ADCY9: variants seen among roughly 807,000 people sequenced by gnomAD.
ADCY9 encodes the protein adenylate cyclase 9.
A neutral mutation model predicts 101.5 loss-of-function variants in ADCY9; 50 were observed. The observed-to-expected ratio is 0.49, with a 90% CI of 0.39 to 0.62. ADCY9 has a LOEUF of 0.62. Among genes scored for constraint, ADCY9 ranks in the 20% least tolerant of loss-of-function variants. ADCY9 has a pLI of 0.00. For missense variants in ADCY9, 1,662 were observed against 1,800.4 expected, an observed-to-expected ratio of 0.92 and a Z score of 1.39; for synonymous variants, 905 against 769.3, an observed-to-expected ratio of 1.18 and a Z score of -2.92.
chr16:4,092,780 C>G (rs572673434), intron 2 of ADCY9, among the ~76,000 whole-genome samples: 1 of 152,328 alleles, frequency 6.6e-6, no homozygotes, highest in South Asian at 2.1e-4. Context: ...GACTCCTTAG[C>G]CCTTTCCATC....
chr16:4,033,458 G>A lies in ADCY9; in HGVS notation c.1694-25900C>T, dbSNP rs868577347. Among the ~76,000 whole-genome samples, 7 of 142,384 alleles carry A rather than the reference G, an allele frequency of 4.9e-5. No homozygotes were observed. In the East Asian group the frequency reaches 1.0e-3, roughly 21 times the overall value. 93.4% of individuals were successfully genotyped at this position (142,384 alleles called of 152,430 possible). The stretch of plus-strand genomic sequence containing the variant: ...TTTTTTTTTTTTTTTTTTTTGAGAC[G>A]GAGTCTTGCTCTGTCGCCAGGCCAG... On this transcript the variant is annotated intron_variant, in intron 2 of 10. Coordinates refer to ENST00000294016, the MANE Select transcript of ADCY9 (RefSeq NM_001116.4).
In ADCY9 at chr16:3,992,592, C is replaced by T. The variant is rs981752807; in HGVS notation, c.1990-229G>A. On this transcript the variant is annotated intron_variant, in intron 4 of 10. Coordinates refer to ENST00000294016, the MANE Select transcript of ADCY9 (RefSeq NM_001116.4). This position sits in a 1 kb window ranked among gnomAD's most constrained non-coding sequence, Gnocchi z 4.2. The stretch of plus-strand genomic sequence containing the variant: ...TACCCAACAGTGCCCAGTGGTAACG[C>T]TGGGTGTTCAGGCTGCCAGGACATT... 6.6e-6 allele frequency among the ~76,000 whole-genome samples: 1 copy of T among 152,136 alleles called. No homozygotes were observed. Among genetic ancestry groups the T allele is most frequent in the Non-Finnish European group, 1.5e-5 (1 of 68,022 alleles).
chr16:4,108,908 G>C (rs368568229), intron 2 of ADCY9, among the ~76,000 whole-genome samples: 1 of 151,328 alleles, frequency 6.6e-6, no homozygotes, highest in African/African-American at 2.4e-5. Flanking sequence ...GTTTCACCAC[G>C]TTGGCCAGGC....
At chr16:3,995,603 ATT>A (rs34724133) in intron 3 of ADCY9, among the ~76,000 whole-genome samples, 139 of 146,384 alleles carry the variant, frequency 9.5e-4, no homozygotes, top group Admixed American at 1.6e-3. Flanking sequence ...CAAGAAATAT[ATT>A]TTTTTTTTTT....
intron 7 of ADCY9, 104 bp from the exon 8 acceptor site, chr16:3,979,379 C>T (rs998024528): frequency 5.1e-6 from 7 of 1,373,740 alleles, no homozygotes; most frequent in Middle Eastern, 2.5e-4. Flanking sequence ...TGCTCTCTCC[C>T]GTGTTGCCCC....
intron 2 of ADCY9, among the ~76,000 whole-genome samples, chr16:4,084,114 T>C (rs1272708884): frequency 6.6e-6 from 1 of 151,254 alleles, no homozygotes; most frequent in African/African-American, 2.4e-5. Flanking sequence ...GTTTGTTTTG[T>C]TTTGTTTTTG....
intron 2 of ADCY9, among the ~76,000 whole-genome samples, chr16:4,025,998 C>T (rs2056512268): frequency 6.6e-6 from 1 of 152,108 alleles, no homozygotes; most frequent in Non-Finnish European, 1.5e-5. Flanking sequence ...AACAGTGCTC[C>T]AAAGGCAAAG....
At chr16:4,072,386 A>T (rs928837718) in intron 2 of ADCY9, among the ~76,000 whole-genome samples, 1 of 152,220 alleles carries the variant, frequency 6.6e-6, no homozygotes, top group African/African-American at 2.4e-5. Context: ...CCAAGAACTT[A>T]CCATAAAGCC....
downstream of ADCY9, among the ~76,000 whole-genome samples, chr16:3,961,507 C>T (rs117139896): frequency 4.5e-3 from 678 of 151,744 alleles, 1 homozygote; most frequent in Middle Eastern, 6.8e-3. Context: ...GCAGCAAGGA[C>T]GGGTTATTCC....
intron 2 of ADCY9, among the ~76,000 whole-genome samples, chr16:4,080,416 G>GTA (rs902408109): frequency 4.7e-4 from 71 of 151,542 alleles, no homozygotes; most frequent in African/African-American, 1.3e-3. Context: ...ATTAATTTTT[G>GTA]TATATATATA....
intron 3 of ADCY9, 101 bp downstream of exon 3, chr16:4,007,267 T>C: frequency 1.0e-6 from 1 of 1,003,934 alleles, no homozygotes; most frequent in East Asian, 2.6e-5. Context: ...TCATTCCAAG[T>C]TGTTTGCCTC....
intron 2 of ADCY9, among the ~76,000 whole-genome samples, chr16:4,014,829 C>T (rs544633855): frequency 9.2e-5 from 14 of 151,960 alleles, no homozygotes; most frequent in African/African-American, 3.4e-4. Context: ...TAAACAGGTA[C>T]CTTCTATACC....
chr16:4,054,567 A>AT (rs553423641), intron 2 of ADCY9, among the ~76,000 whole-genome samples: 332 of 150,644 alleles, frequency 2.2e-3, no homozygotes, highest in Middle Eastern at 0.014. Flanking sequence ...GATTAAATGG[A>AT]TTTTTTTCTT....
At chr16:4,031,919 T>TG (rs2141754900) in intron 2 of ADCY9, 1 of 151,288 alleles carries the variant, frequency 6.6e-6, no homozygotes, top group African/African-American at 2.4e-5. Flanking sequence ...AATTAAAAGT[T>TG]GGAGAAAAAA....
intron 2 of ADCY9, among the ~76,000 whole-genome samples, chr16:4,081,836 C>T (rs1170674535): frequency 8.3e-6 from 1 of 121,062 alleles, no homozygotes; most frequent in South Asian, 2.5e-4. Context: ...GAGGAGGGCG[C>T]TGTGTCTGCA....
intron 5 of ADCY9, among the ~76,000 whole-genome samples, chr16:3,956,742 G>A (rs1364342194): frequency 6.6e-6 from 1 of 150,576 alleles, no homozygotes; most frequent in East Asian, 1.9e-4. Flanking sequence ...TGATCCGCCC[G>A]CCTTGGCCTC....
chr16:3,954,763 C>A (rs2055898645), intron 5 of ADCY9, among the ~76,000 whole-genome samples: 1 of 152,168 alleles, frequency 6.6e-6, no homozygotes, highest in Admixed American at 6.5e-5. Flanking sequence ...CTTGGCAGAG[C>A]CATCCACAGC....
At chr16:4,062,554 A>T (rs899297817) in intron 2 of ADCY9, among the ~76,000 whole-genome samples, 1 of 152,154 alleles carries the variant, frequency 6.6e-6, no homozygotes, top group Non-Finnish European at 1.5e-5. Flanking sequence ...AGTGGCTATA[A>T]TAATATCAAA....
At chr16:4,065,550 G>A (rs951468335) in intron 2 of ADCY9, among the ~76,000 whole-genome samples, 3 of 152,108 alleles carry the variant, frequency 2.0e-5, no homozygotes, top group Non-Finnish European at 2.9e-5. Context: ...GCCTCCCATC[G>A]AGGCCCATGG....
Sources: gnomAD v4.1 joint callset for allele counts (sites outside exome capture counted in the v4.1 genomes callset) on GRCh38, gnomAD v4.1.1 for gene constraint, Gnocchi (gnomAD v3.1) non-coding constraint, MANE v1.5 for transcripts, NCBI Gene and HGNC (gene_info 2026-07-23, HGNC 2026-07-21) for gene names.